SNX9: variants seen among roughly 807,000 people sequenced by gnomAD.
The protein encoded by SNX9 is sorting nexin 9, also known as sorting nexin-9.
In SNX9, 44 loss-of-function variants were observed where a neutral mutation model predicts 89.4. The ratio of observed to expected loss-of-function variants is 0.49; its 90% CI spans 0.39 to 0.63. SNX9 has a LOEUF of 0.63. SNX9 is among the 30% of genes least tolerant of loss of function. The pLI is 0.00. For missense variants in SNX9, 578 were observed against 736.1 expected (o/e 0.79, Z 2.49); for synonymous variants, 236 against 247.8 (o/e 0.95, Z 0.45).
chr6:157,934,402 AAAC>A (rs1196842601), intron 13 of SNX9: 2 of 152,258 alleles, frequency 1.3e-5, no homozygotes, highest in Non-Finnish European at 2.9e-5. Flanking sequence ...AATTATTAGA[AAAC>A]AAATTTAAAT....
chr6:157,875,306 C>G, intron 4 of SNX9, 130 bp downstream of exon 4: 1 of 1,269,786 alleles, frequency 7.9e-7, no homozygotes, highest in Non-Finnish European at 1.0e-6. Flanking sequence ...TTAGGTTGTT[C>G]TGTGGCATTT....
intron 1 of SNX9, among the ~76,000 whole-genome samples, chr6:157,841,253 GTCA>G (rs1781697156): frequency 6.6e-6 from 1 of 152,166 alleles, no homozygotes; most frequent in African/African-American, 2.4e-5. Context: ...TTTCATATTA[GTCA>G]TGCTGAAAAA....
intron 12 of SNX9, among the ~76,000 whole-genome samples, chr6:157,929,305 C>T (rs1214408588): frequency 6.6e-6 from 1 of 152,186 alleles, no homozygotes; most frequent in African/African-American, 2.4e-5. Flanking sequence ...ACATGTGGCC[C>T]AGGATAGAAA....
intron 4 of SNX9, among the ~76,000 whole-genome samples, chr6:157,885,713 G>A (rs748700961): frequency 1.4e-4 from 21 of 152,124 alleles, no homozygotes; most frequent in Non-Finnish European, 2.9e-4. Context: ...GTGATAGGCG[G>A]ACCCCTGAAT....
chr6:157,932,878 A>C (rs1392548527), intron 13 of SNX9, among the ~76,000 whole-genome samples: 3 of 149,630 alleles, frequency 2.0e-5, no homozygotes, highest in African/African-American at 7.3e-5. Context: ...AAAAAAAAAA[A>C]AAAAAAAAAA....
At chr6:157,923,302 GTAAA>G (rs1453378346) in intron 10 of SNX9, among the ~76,000 whole-genome samples, 1 of 152,094 alleles carries the variant, frequency 6.6e-6, no homozygotes, top group Non-Finnish European at 1.5e-5. Context: ...AGCAGCTCGT[GTAAA>G]TAAATGGTAG....
At chr6:157,938,269 TG>T (rs1303834718) in intron 15 of SNX9, among the ~76,000 whole-genome samples, 7 of 152,264 alleles carry the variant, frequency 4.6e-5, no homozygotes, top group Non-Finnish European at 8.8e-5. Flanking sequence ...TGTGTGCACA[TG>T]CTGCCCTGTA....
At chr6:157,850,247 T>A (rs1781885443) in intron 1 of SNX9, among the ~76,000 whole-genome samples, 1 of 152,128 alleles carries the variant, frequency 6.6e-6, no homozygotes, top group Admixed American at 6.5e-5. Flanking sequence ...GCCAGAGCTG[T>A]TTCAGTGGTG....
At chr6:157,893,867 A>T (rs930875199) in intron 4 of SNX9, among the ~76,000 whole-genome samples, 2 of 152,130 alleles carry the variant, frequency 1.3e-5, no homozygotes, top group African/African-American at 4.8e-5. Context: ...ATAAACAGCT[A>T]AGAGATGTTA....
At position 157,933,378 on chromosome 6, in the gene SNX9, T is replaced by C. The variant is rs562023364; in HGVS notation, c.1366+1106T>C. Among the ~76,000 whole-genome samples the C allele has an allele frequency of 3.9e-5, 6 of 152,310 alleles. No individual in the cohort carries two copies. The South Asian group carries it at 1.2e-3, about 32-fold the overall frequency. On this transcript the variant is annotated intron_variant, in intron 13 of 17. Coordinates refer to ENST00000392185, the MANE Select transcript of SNX9 (RefSeq NM_016224.5). Reference sequence around the variant, plus strand: ...CCTGTCACTTATAGAAGTGGTAGAATTGGTACAGGTGTTGATCCTGATACT... The same window carrying C: ...CCTGTCACTTATAGAAGTGGTAGAACTGGTACAGGTGTTGATCCTGATACT...
At chr6:157,840,911 C>G (rs1334388066) in intron 1 of SNX9, among the ~76,000 whole-genome samples, 2 of 152,152 alleles carry the variant, frequency 1.3e-5, no homozygotes, top group Non-Finnish European at 2.9e-5. Flanking sequence ...ATGCTGTTCA[C>G]TCGACTGGTG....
intron 1 of SNX9, among the ~76,000 whole-genome samples, chr6:157,843,979 A>G (rs1019502042): frequency 6.7e-6 from 1 of 150,000 alleles, no homozygotes; most frequent in Non-Finnish European, 1.5e-5. Context: ...GGTTCAAGCA[A>G]TTTTCCTGCC....
At chr6:157,853,960 TGAA>T in intron 1 of SNX9, among the ~76,000 whole-genome samples, 1 of 152,352 alleles carries the variant, frequency 6.6e-6, no homozygotes, top group Non-Finnish European at 1.5e-5. Context: ...TCAAGACTGG[TGAA>T]ACAGTGGTGT....
At chr6:157,886,332 G>A (rs920092741) in intron 4 of SNX9, among the ~76,000 whole-genome samples, 1 of 152,092 alleles carries the variant, frequency 6.6e-6, no homozygotes, top group African/African-American at 2.4e-5. Flanking sequence ...TACTATTTTT[G>A]TGGTCAGCAG....
At chr6:157,902,111 A>G in intron 6 of SNX9, 66 bp downstream of exon 6, 1 of 1,393,446 alleles carries the variant, frequency 7.2e-7, no homozygotes, top group Non-Finnish European at 9.5e-7. Context: ...CAAAGTATAT[A>G]CCCTACCAAG....
intron 1 of SNX9, among the ~76,000 whole-genome samples, chr6:157,845,928 A>G (rs1012038273): frequency 1.3e-5 from 2 of 152,240 alleles, no homozygotes; most frequent in Non-Finnish European, 2.9e-5. Flanking sequence ...TCCTAGTGCC[A>G]TATCATAATT....
chr6:157,823,877 C>T lies in SNX9; in HGVS notation c.12+431C>T, dbSNP rs1781288562. 1.3e-5 allele frequency among the ~76,000 whole-genome samples: 2 copies of T among 151,996 alleles called. No homozygotes were observed. The highest frequency in any genetic ancestry group is 4.8e-5 in the African/African-American group (2 of 41,418). The stretch of plus-strand genomic sequence containing the variant: ...CTCCCGCTGCCGCCTGGGGGACCCT[C>T]GCCCCCGCGGGGCGGGTGGGGGTCG... On this transcript the variant is annotated intron_variant, in intron 1 of 17. Coordinates refer to ENST00000392185, the MANE Select transcript of SNX9 (RefSeq NM_016224.5). This position sits in a 1 kb window ranked among gnomAD's most constrained non-coding sequence, Gnocchi z 4.6.
intron 4 of SNX9, among the ~76,000 whole-genome samples, chr6:157,881,549 G>C (rs908408724): frequency 1.3e-5 from 2 of 152,170 alleles, no homozygotes; most frequent in Non-Finnish European, 2.9e-5. Context: ...CCAAAAGCCA[G>C]GTCCTCTTGA....
intron 7 of SNX9, among the ~76,000 whole-genome samples, chr6:157,907,820 C>A (rs1423756274): frequency 6.6e-6 from 1 of 152,208 alleles, no homozygotes; most frequent in Non-Finnish European, 1.5e-5. Flanking sequence ...AGTAACCTTG[C>A]CCACTCATGA....
Sources: allele counts gnomAD v4.1 joint callset (sites outside exome capture counted in the v4.1 genomes callset), GRCh38; gene constraint gnomAD v4.1.1; non-coding constraint Gnocchi (gnomAD v3.1); transcripts MANE v1.5; gene names NCBI Gene and HGNC (gene_info 2026-07-23, HGNC 2026-07-21).